GRIN2D: variants seen among roughly 807,000 people sequenced by gnomAD.
The protein encoded by GRIN2D is glutamate ionotropic receptor NMDA type subunit 2D, also known as glutamate receptor ionotropic, NMDA 2D.
A neutral mutation model predicts 103.2 loss-of-function variants in GRIN2D; 37 were observed. That is an observed-to-expected ratio of 0.36 (90% CI 0.28 to 0.47). The LOEUF (loss-of-function observed/expected upper bound fraction) is 0.47, where lower values mean the gene tolerates loss of function less well. Ranked by LOEUF, GRIN2D falls within the 20% of genes least tolerant of loss-of-function variation. The pLI, the probability that GRIN2D is intolerant of heterozygous loss-of-function variation, is 1.00. For missense variants in GRIN2D, 1,557 were observed against 1,910.6 expected, an observed-to-expected ratio of 0.81 and a Z score of 3.45; for synonymous variants, 845 against 885.6, an observed-to-expected ratio of 0.95 and a Z score of 0.81.
At chr19:48,438,335 G>C (rs980862428) in intron 11 of GRIN2D, among the ~76,000 whole-genome samples, 1 of 111,682 alleles carries the variant, frequency 9.0e-6, no homozygotes, top group Admixed American at 1.3e-4. Flanking sequence ...GTCTTGCTCT[G>C]TCGCCCAGGC....
intron 11 of GRIN2D, among the ~76,000 whole-genome samples, chr19:48,428,721 C>T (rs1971119565): frequency 6.6e-6 from 1 of 152,142 alleles, no homozygotes; most frequent in Admixed American, 6.6e-5. Flanking sequence ...CCTTAATGAT[C>T]TCATTTTAAC....
At chr19:48,440,664 T>C (rs2380121) in intron 11 of GRIN2D, among the ~76,000 whole-genome samples, 127,106 of 151,430 alleles carry the variant, frequency 0.84, 53,578 homozygotes, top group Non-Finnish European at 0.89. Flanking sequence ...ATCATTCACT[T>C]GCATTATTTT....
At chr19:48,434,497 C>T (rs1220751942) in intron 11 of GRIN2D, among the ~76,000 whole-genome samples, 4 of 152,248 alleles carry the variant, frequency 2.6e-5, no homozygotes, top group South Asian at 4.1e-4. Context: ...TGAGATGATC[C>T]GCCCACCTCA....
At chr19:48,412,421 AAAAGAAAGAAAGAAAGAAAGAAAGAAAG>A (rs57100057) in intron 4 of GRIN2D, among the ~76,000 whole-genome samples, 12 of 123,436 alleles carry the variant, frequency 9.7e-5, no homozygotes, top group Middle Eastern at 3.8e-3. Context: ...AAAGAGAAAG[AAAAGAAAGAAAGAAAGAAAGAAAGAAAG>A]AAAGAAAGAA....
At chr19:48,419,446 G>A in intron 9 of GRIN2D, 87 bp downstream of exon 9, 1 of 1,503,466 alleles carries the variant, frequency 6.7e-7, no homozygotes, top group Non-Finnish European at 9.0e-7. Flanking sequence ...CCTGGAGGGG[G>A]GGCGGTCAAG....
chr19:48,404,022 C>G (rs1970749315), intron 3 of GRIN2D, among the ~76,000 whole-genome samples: 4 of 152,136 alleles, frequency 2.6e-5, no homozygotes, highest in Admixed American at 2.6e-4. Flanking sequence ...GGTGGATCAT[C>G]TGAGGTCAGG....
chr19:48,403,674 A>G (rs1220163112), intron 3 of GRIN2D, among the ~76,000 whole-genome samples: 2 of 152,190 alleles, frequency 1.3e-5, no homozygotes, highest in Non-Finnish European at 2.9e-5. Flanking sequence ...AGGCAGAGGA[A>G]GAGGTGACAG....
chr19:48,416,014 C>T lies in GRIN2D; in HGVS notation c.1594C>T (p.Arg532Cys). The T allele has an allele frequency of 6.2e-7, 1 of 1,613,674 alleles. No homozygotes were observed. Among genetic ancestry groups the T allele is most frequent in the Non-Finnish European group, 8.5e-7 (1 of 1,179,870 alleles). The change falls in exon 8 of 14, where the codon CGC becomes TGC. Residue 532 changes from arginine to cysteine, a missense_variant. Coordinates refer to ENST00000263269, the MANE Select transcript of GRIN2D (RefSeq NM_000836.4). ...NGMIGEVFYQ[R>C]ADMAIGSLTI... ...GCCCCCACCCCAGGTGTTCTACCAG[C>T]GCGCAGACATGGCCATCGGCTCCCT...
At chr19:48,422,981 C>T (rs145062937) in intron 11 of GRIN2D, among the ~76,000 whole-genome samples, 3,329 of 152,110 alleles carry the variant, frequency 0.022, 120 homozygotes, top group African/African-American at 0.076. Flanking sequence ...GAGGCCGAGA[C>T]GGGCAGATCA....
At chr19:48,398,927 C>T (rs1970677004) in intron 3 of GRIN2D, 70 bp downstream of exon 3, 1 of 1,169,126 alleles carries the variant, frequency 8.6e-7, no homozygotes, top group East Asian at 3.3e-5. Flanking sequence ...GGGACTGGGA[C>T]AGCCAGCGGG....
chr19:48,439,241 C>G (rs760856602), intron 11 of GRIN2D, among the ~76,000 whole-genome samples: 1 of 150,854 alleles, frequency 6.6e-6, no homozygotes, highest in Non-Finnish European at 1.5e-5. Context: ...AACAAACAAA[C>G]AAATAAATAA....
chr19:48,413,661 CAAAAAAAAAA>C (rs11368422), intron 4 of GRIN2D, among the ~76,000 whole-genome samples: 3 of 57,302 alleles, frequency 5.2e-5, no homozygotes, highest in African/African-American at 6.7e-5. Flanking sequence ...GACTCTGTCT[CAAAAAAAAAA>C]AAAAAAAAAA....
intron 4 of GRIN2D, among the ~76,000 whole-genome samples, chr19:48,412,217 T>G (rs1970871342): frequency 6.6e-6 from 1 of 151,470 alleles, no homozygotes; most frequent in Non-Finnish European, 1.5e-5. Context: ...TAGTCCCAGT[T>G]ACTTGTGAGG....
Position 48,419,339 on chromosome 19 carries a change from G to A in GRIN2D, c.1841G>A (p.Arg614His), listed in dbSNP as rs1310034625. Residue 614 changes from arginine to histidine, a missense_variant, in exon 9 of 14, where the codon CGC becomes CAC. Coordinates refer to ENST00000263269, the MANE Select transcript of GRIN2D (RefSeq NM_000836.4). ...FEYLSPVGYNRSLATGKRPGG... is the reference protein window; with the variant it reads ...FEYLSPVGYNHSLATGKRPGG... ...TACCTCAGTCCTGTTGGTTACAACC[G>A]CAGCCTGGCCACGGGCAAGCGTGAG... 5.0e-6 allele frequency: 8 copies of A among 1,605,312 alleles called. No individual in the cohort carries two copies. The South Asian group carries it at 5.5e-5, about 11-fold the overall frequency.
chr19:48,415,111 C>T, intron 7 of GRIN2D, 79 bp downstream of exon 7: 1 of 1,313,002 alleles, frequency 7.6e-7, no homozygotes, highest in African/African-American at 1.5e-5. Flanking sequence ...TGGCTCACGC[C>T]TGTAATCCCA....
chr19:48,435,782 T>C (rs1397988301), intron 11 of GRIN2D, among the ~76,000 whole-genome samples: 1 of 152,236 alleles, frequency 6.6e-6, no homozygotes, highest in Non-Finnish European at 1.5e-5. Context: ...TAGTGTGTGC[T>C]AGGCACTGTT....
At chr19:48,429,849 G>A (rs972489956) in intron 11 of GRIN2D, among the ~76,000 whole-genome samples, 26 of 151,750 alleles carry the variant, frequency 1.7e-4, no homozygotes, top group African/African-American at 5.1e-4. Context: ...ACGAGCCACC[G>A]TGCCTGGAAA....
Position 48,413,998 on chromosome 19 carries a change from A to G in GRIN2D, c.1093A>G (p.Met365Val). The G allele has an allele frequency of 6.3e-7, 1 of 1,599,940 alleles. No individual in the cohort carries two copies. Among genetic ancestry groups the G allele is most frequent in the Non-Finnish European group, 8.6e-7 (1 of 1,167,100 alleles). The stretch of plus-strand genomic sequence containing the variant: ...TTCCCTCCTCCTGGGCAGGTACTTC[A>G]TGAACATCACGTGGGATAACCGGGA... ...HRGESLHRYF[M>V]NITWDNRDYS... Residue 365 changes from methionine (M) to valine (V), a missense_variant, in exon 5 of 14, where the codon ATG becomes GTG. By Grantham distance (21) the Met-to-Val change is conservative (BLOSUM62 1). Transcript: ENST00000263269.
At chr19:48,404,062 A>C (rs1201193753) in intron 3 of GRIN2D, among the ~76,000 whole-genome samples, 3 of 152,208 alleles carry the variant, frequency 2.0e-5, no homozygotes, top group African/African-American at 7.2e-5. Context: ...CAACATGGAG[A>C]AAACCCGTCT....
Sources: allele counts gnomAD v4.1 joint callset (sites outside exome capture counted in the v4.1 genomes callset), GRCh38; gene constraint gnomAD v4.1.1; transcripts MANE v1.5; gene names NCBI Gene and HGNC (gene_info 2026-07-23, HGNC 2026-07-21).